KLHL29: variants seen among roughly 807,000 people sequenced by gnomAD.
KLHL29 encodes kelch-like protein 29.
KLHL29 carries 21 observed loss-of-function variants against 80.4 expected under a neutral mutation model. The observed-to-expected ratio is 0.26, with a 90% confidence interval of 0.19 to 0.38. The LOEUF (loss-of-function observed/expected upper bound fraction) is 0.38, where lower values mean the gene tolerates loss of function less well. KLHL29 is among the 10% of genes least tolerant of loss of function. KLHL29 has a pLI of 1.00. For synonymous variants in KLHL29, 511 were observed against 526.8 expected (o/e 0.97, Z 0.41); for missense variants, 867 against 1,223.9 (o/e 0.71, Z 4.35).
chr2:23,509,546 G>A (rs1048374105), intron 2 of KLHL29, among the ~76,000 whole-genome samples: 10 of 151,750 alleles, frequency 6.6e-5, no homozygotes, highest in Middle Eastern at 6.8e-3. Flanking sequence ...TATCTCTTTA[G>A]GAGGCCTTTC....
In KLHL29 at chr2:23,518,527, T is replaced by C. The variant is rs544504662; in HGVS notation, c.-46+42860T>C. ...TGGGCCTCTGCCTCTGCTACTTCCG[T>C]GGCCTAGAAAAGACAGCCCTAGAAA... On this transcript the variant is annotated intron_variant, in intron 2 of 13. Transcript: ENST00000486442. Among the ~76,000 whole-genome samples the C allele has an allele frequency of 3.9e-5, 6 of 152,266 alleles. No homozygotes were observed. In the South Asian group the frequency reaches 1.2e-3, roughly 32 times the overall value.
intron 3 of KLHL29, 142 bp from the exon 4 acceptor site, chr2:23,638,997 C>T (rs929352351): frequency 2.8e-6 from 2 of 715,834 alleles, no homozygotes; most frequent in Non-Finnish European, 4.2e-6. Context: ...AGGGCTGAGG[C>T]TCTGCCTCTG....
intron 7 of KLHL29, among the ~76,000 whole-genome samples, chr2:23,693,056 C>T (rs1671721983): frequency 6.6e-6 from 1 of 152,138 alleles, no homozygotes; most frequent in Admixed American, 6.5e-5. Context: ...AGGGAGGCCC[C>T]TGGGAGTCAG....
intron 6 of KLHL29, among the ~76,000 whole-genome samples, chr2:23,688,008 C>G (rs527528645): frequency 6.6e-6 from 1 of 152,138 alleles, no homozygotes; most frequent in Non-Finnish European, 1.5e-5. Context: ...AGAAGGGTCC[C>G]GGCAAAGTCC....
intron 1 of KLHL29, among the ~76,000 whole-genome samples, chr2:23,450,101 G>A (rs572777913): frequency 1.5e-4 from 23 of 152,138 alleles, no homozygotes; most frequent in Non-Finnish European, 2.6e-4. Context: ...TGTCCTCAAT[G>A]TGACAAATAC....
intron 6 of KLHL29, 122 bp from the exon 7 acceptor site, chr2:23,691,552 C>T (rs1415911022): frequency 1.1e-5 from 8 of 727,380 alleles, no homozygotes; most frequent in Admixed American, 6.7e-5. Context: ...GTGTCATTGC[C>T]GTGTCCTTTG....
intron 1 of KLHL29, among the ~76,000 whole-genome samples, chr2:23,471,241 G>T (rs532125054): frequency 6.6e-6 from 1 of 152,148 alleles, no homozygotes; most frequent in Non-Finnish European, 1.5e-5. Context: ...ACCCTGGCGG[G>T]GCTGCTTTCT....
At chr2:23,581,591 C>T (rs1033466471) in intron 3 of KLHL29, among the ~76,000 whole-genome samples, 2 of 151,896 alleles carry the variant, frequency 1.3e-5, no homozygotes, top group Non-Finnish European at 2.9e-5. Context: ...TTTGGGAGGC[C>T]GAGGTGGGCG....
chr2:23,530,172 G>A (rs1221792399), intron 2 of KLHL29, among the ~76,000 whole-genome samples: 2 of 152,208 alleles, frequency 1.3e-5, no homozygotes, highest in African/African-American at 4.8e-5. Context: ...GTACTGTGGC[G>A]TAGAGCCCTC....
At chr2:23,484,604 C>T (rs1664881023) in intron 2 of KLHL29, among the ~76,000 whole-genome samples, 1 of 152,228 alleles carries the variant, frequency 6.6e-6, no homozygotes. Context: ...ATGGCCCCGC[C>T]AGCCAGAGAG....
intron 5 of KLHL29, among the ~76,000 whole-genome samples, chr2:23,649,802 C>T (rs1670040407): frequency 1.3e-5 from 2 of 152,222 alleles, no homozygotes; most frequent in Non-Finnish European, 2.9e-5. Flanking sequence ...GGTGCTGACC[C>T]GTGGCAGGAA....
At chr2:23,575,842 G>C (rs957518681) in intron 3 of KLHL29, among the ~76,000 whole-genome samples, 1 of 152,196 alleles carries the variant, frequency 6.6e-6, no homozygotes, top group East Asian at 1.9e-4. Context: ...TCCACCCGGC[G>C]CAGGAACCTC....
chr2:23,431,075 T>G (rs1393663033), intron 1 of KLHL29, among the ~76,000 whole-genome samples: 2 of 152,220 alleles, frequency 1.3e-5, no homozygotes, highest in Non-Finnish European at 2.9e-5. Flanking sequence ...CCAGAGCTGC[T>G]GCAGTGGTCT....
intron 5 of KLHL29, among the ~76,000 whole-genome samples, chr2:23,664,568 G>A (rs535506984): frequency 2.0e-5 from 3 of 152,244 alleles, no homozygotes; most frequent in South Asian, 2.1e-4. Flanking sequence ...GCCAGGAGGC[G>A]GGGATAGATG....
chr2:23,563,246 C>T (rs1667496139), intron 3 of KLHL29, among the ~76,000 whole-genome samples: 1 of 152,268 alleles, frequency 6.6e-6, no homozygotes, highest in South Asian at 2.1e-4. Flanking sequence ...AAGGCTCTTG[C>T]TTGGCCTTGG....
intron 1 of KLHL29, among the ~76,000 whole-genome samples, chr2:23,456,143 T>C (rs1403271248): frequency 3.3e-5 from 5 of 152,226 alleles, no homozygotes; most frequent in Admixed American, 1.3e-4. Flanking sequence ...TATTTTGTTA[T>C]GGCAGCCCTA....
At chr2:23,496,489 C>T (rs1448769876) in intron 2 of KLHL29, among the ~76,000 whole-genome samples, 1 of 152,048 alleles carries the variant, frequency 6.6e-6, no homozygotes, top group Non-Finnish European at 1.5e-5. Flanking sequence ...CCTCCCTCTC[C>T]CCCATCCTGC....
At chr2:23,621,225 G>C (rs1669174377) in intron 3 of KLHL29, among the ~76,000 whole-genome samples, 1 of 152,214 alleles carries the variant, frequency 6.6e-6, no homozygotes, top group Non-Finnish European at 1.5e-5. Context: ...AGAGCCCCAG[G>C]TCCCACCCAC....
intron 2 of KLHL29, among the ~76,000 whole-genome samples, chr2:23,510,142 G>T (rs536219329): frequency 6.6e-6 from 1 of 152,110 alleles, no homozygotes; most frequent in South Asian, 2.1e-4. Flanking sequence ...CCTTTATTCA[G>T]TGTGAGGCCA....
Sources: gnomAD v4.1 joint callset for allele counts (sites outside exome capture counted in the v4.1 genomes callset) on GRCh38, gnomAD v4.1.1 for gene constraint, MANE v1.5 for transcripts, NCBI Gene and HGNC (gene_info 2026-07-23, HGNC 2026-07-21) for gene names.